RGS6: variants seen among roughly 807,000 people sequenced by gnomAD.
RGS6 encodes the protein regulator of G-protein signaling 6.
In RGS6, 30 loss-of-function variants were observed where a neutral mutation model predicts 78.5. That is an observed-to-expected ratio of 0.38 (90% CI 0.29 to 0.52). The LOEUF (loss-of-function observed/expected upper bound fraction) is 0.52. RGS6 is among the 20% of genes least tolerant of loss of function. The pLI is 0.85. For missense variants in RGS6, 495 were observed against 609.7 expected (o/e 0.81, Z 1.98); for synonymous variants, 206 against 206.0 (o/e 1.00, Z 0.00).
intron 2 of RGS6, among the ~76,000 whole-genome samples, chr14:72,297,574 C>G (rs1401130440): frequency 9.0e-6 from 1 of 111,628 alleles, no homozygotes; most frequent in African/African-American, 3.4e-5. Flanking sequence ...TCCCTCCCCC[C>G]TCCCCCCACC....
chr14:72,333,448 G>C (rs759860151), intron 2 of RGS6, among the ~76,000 whole-genome samples: 7 of 152,150 alleles, frequency 4.6e-5, no homozygotes, highest in Non-Finnish European at 1.0e-4. Flanking sequence ...ATTCGATGGA[G>C]ATCCTTGTCA....
intron 1 of RGS6, among the ~76,000 whole-genome samples, chr14:71,938,295 T>A (rs1454638172): frequency 6.6e-6 from 1 of 152,250 alleles, no homozygotes; most frequent in African/African-American, 2.4e-5. Context: ...AGCCAAGCCA[T>A]TGGCTACAGC....
chr14:72,350,346 T>C (rs2078881052), intron 2 of RGS6, among the ~76,000 whole-genome samples: 1 of 152,128 alleles, frequency 6.6e-6, no homozygotes, highest in South Asian at 2.1e-4. Context: ...CAAACTTGGC[T>C]GCACACCTGG....
the RGS6 span, among the ~76,000 whole-genome samples, chr14:71,889,241 G>T: frequency 6.6e-6 from 1 of 152,100 alleles, no homozygotes; most frequent in African/African-American, 2.4e-5. Flanking sequence ...AGGAGGAAGG[G>T]CGTTCTGGGT....
chr14:72,203,020 G>A (rs1007998691), intron 2 of RGS6, among the ~76,000 whole-genome samples: 3 of 151,978 alleles, frequency 2.0e-5, no homozygotes, highest in East Asian at 3.9e-4. Flanking sequence ...GACTACAGGC[G>A]CCCGCCACCA....
chr14:72,000,189 T>C (rs1411628086), intron 2 of RGS6, among the ~76,000 whole-genome samples: 2 of 152,228 alleles, frequency 1.3e-5, no homozygotes, highest in African/African-American at 2.4e-5. Flanking sequence ...AGTCAGAAGA[T>C]ACAGCCAGCA....
chr14:72,431,250 C>G (rs1313533549), intron 3 of RGS6, among the ~76,000 whole-genome samples: 2 of 152,150 alleles, frequency 1.3e-5, no homozygotes, highest in African/African-American at 4.8e-5. Flanking sequence ...TCCAAAATCA[C>G]CCTGGGGAAT....
intron 3 of RGS6, among the ~76,000 whole-genome samples, chr14:72,407,547 G>A (rs2093038811): frequency 6.6e-6 from 1 of 152,228 alleles, no homozygotes; most frequent in Non-Finnish European, 1.5e-5. Flanking sequence ...AAACATGATT[G>A]TGAGTGCTGT....
At chr14:72,512,510 T>C (rs1039420033) in intron 14 of RGS6, among the ~76,000 whole-genome samples, 1 of 152,170 alleles carries the variant, frequency 6.6e-6, no homozygotes, top group Non-Finnish European at 1.5e-5. Context: ...ACATTTAATC[T>C]TGGGTGAAAG....
At chr14:72,070,223 A>T in intron 2 of RGS6, among the ~76,000 whole-genome samples, 1 of 151,878 alleles carries the variant, frequency 6.6e-6, no homozygotes, top group East Asian at 1.9e-4. Flanking sequence ...TGAGCTGTTC[A>T]TTTTTCTTAC....
chr14:71,994,588 G>C (rs1353017111), intron 2 of RGS6, among the ~76,000 whole-genome samples: 6 of 152,008 alleles, frequency 3.9e-5, no homozygotes, highest in African/African-American at 1.5e-4. Flanking sequence ...AACGTACTTT[G>C]AAATATGATT....
At chr14:72,128,864 C>A (rs559638430) in intron 2 of RGS6, among the ~76,000 whole-genome samples, 1 of 152,162 alleles carries the variant, frequency 6.6e-6, no homozygotes, top group East Asian at 1.9e-4. Flanking sequence ...AGACACACAG[C>A]GACCAGCCTA....
rs945792911 is a variant in RGS6 at position 72,551,481 on chromosome 14, G to A, written c.1423-10936G>A. ...GACTGAGCAGCACCAACCACCTGGA[G>A]TTAAATGTCAAAAACGTGGCAGGGA... On this transcript the variant is annotated intron_variant, in intron 17 of 17. Transcript: ENST00000553525. Among the ~76,000 whole-genome samples the A allele has an allele frequency of 3.3e-5, 5 of 152,184 alleles. No individual in the cohort carries two copies. The East Asian group carries it at 9.6e-4, about 29-fold the overall frequency.
intron 3 of RGS6, among the ~76,000 whole-genome samples, chr14:72,354,368 A>G (rs2079784510): frequency 6.6e-6 from 1 of 151,368 alleles, no homozygotes. Flanking sequence ...ACTCATGCCT[A>G]TAATCCCAGC....
At chr14:72,052,133 G>A (rs972220385) in intron 2 of RGS6, among the ~76,000 whole-genome samples, 1 of 152,132 alleles carries the variant, frequency 6.6e-6, no homozygotes, top group Non-Finnish European at 1.5e-5. Context: ...CTTGAAAAAT[G>A]TATTTGGAGT....
At chr14:72,491,737 A>G (rs774978920) in intron 12 of RGS6, among the ~76,000 whole-genome samples, 6 of 152,188 alleles carry the variant, frequency 3.9e-5, no homozygotes, top group Non-Finnish European at 8.8e-5. Context: ...AGAACATTCT[A>G]ACCTACATGT....
At position 72,456,944 on chromosome 14, in the gene RGS6, C is replaced by T. The variant is rs113385503; in HGVS notation, c.236-1327C>T. ...AAAAATAAAAAAAAAATTAGACAGACGTGGTGGCATGTGCCTGTGGTTCCA... is the reference window on the plus strand; with the variant it reads ...AAAAATAAAAAAAAAATTAGACAGATGTGGTGGCATGTGCCTGTGGTTCCA... On this transcript the variant is annotated intron_variant, in intron 4 of 17. Coordinates refer to ENST00000553525, the MANE Select transcript of RGS6 (RefSeq NM_001204424.2). 2.1e-4 allele frequency among the ~76,000 whole-genome samples: 32 copies of T among 151,854 alleles called. No individual in the cohort carries two copies. The East Asian group carries it at 2.3e-3, about 11-fold the overall frequency.
At chr14:72,055,730 C>T (rs547210180) in intron 2 of RGS6, among the ~76,000 whole-genome samples, 37 of 152,212 alleles carry the variant, frequency 2.4e-4, no homozygotes, top group African/African-American at 7.7e-4. Flanking sequence ...ATACAGAAAT[C>T]TTGACAAGCA....
chr14:72,078,841 C>T (rs2094699733), intron 2 of RGS6, among the ~76,000 whole-genome samples: 1 of 152,074 alleles, frequency 6.6e-6, no homozygotes, highest in African/African-American at 2.4e-5. Context: ...ACGGTTTTAG[C>T]TTATATTTTG....
Sources: gnomAD v4.1 joint callset for allele counts (sites outside exome capture counted in the v4.1 genomes callset) on GRCh38, gnomAD v4.1.1 for gene constraint, MANE v1.5 for transcripts, NCBI Gene and HGNC (gene_info 2026-07-23, HGNC 2026-07-21) for gene names.